Variants in ACSBG2 observed in about 807,000 individuals in gnomAD.
The protein encoded by ACSBG2 is long-chain-fatty-acid--CoA ligase ACSBG2.
In ACSBG2, 62 loss-of-function variants were observed where a neutral mutation model predicts 74.7. That is an observed-to-expected ratio of 0.83 (90% CI 0.68 to 1.03). ACSBG2 has a LOEUF of 1.03. ACSBG2 is among the 50% of genes least tolerant of loss of function. The pLI is 0.00. For synonymous variants in ACSBG2, 309 were observed against 294.1 expected (o/e 1.05, Z -0.52); for missense variants, 730 against 817.6 (o/e 0.89, Z 1.31).
At chr19:6,150,442 C>T (rs992933205) in intron 3 of ACSBG2, among the ~76,000 whole-genome samples, 1 of 151,920 alleles carries the variant, frequency 6.6e-6, no homozygotes, top group African/African-American at 2.4e-5. Context: ...GGAAGCAGCC[C>T]GTGTGTCCAT....
At chr19:6,137,233 G>C (rs1165915790) in intron 1 of ACSBG2, 1 of 142,914 alleles carries the variant, frequency 7.0e-6, no homozygotes, top group African/African-American at 2.5e-5. Context: ...GGGCTTGCTT[G>C]AGGCCAGGAG....
chr19:6,154,104 A>AAT (rs922364364), intron 4 of ACSBG2, among the ~76,000 whole-genome samples: 130 of 151,856 alleles, frequency 8.6e-4, no homozygotes, highest in African/African-American at 2.9e-3. Context: ...AGTGAGTTGA[A>AAT]ATATATATAT....
chr19:6,169,614 GA>G (rs1227071774), intron 7 of ACSBG2, among the ~76,000 whole-genome samples: 1 of 152,116 alleles, frequency 6.6e-6, no homozygotes, highest in African/African-American at 2.4e-5. Flanking sequence ...ATAATTATGT[GA>G]AAAATCATAT....
intron 6 of ACSBG2, among the ~76,000 whole-genome samples, chr19:6,164,453 G>A (rs1202078176): frequency 7.4e-6 from 1 of 135,468 alleles, no homozygotes; most frequent in Non-Finnish European, 1.5e-5. Context: ...TTTTTTTTGA[G>A]ATGGAGTTTC....
In ACSBG2 at chr19:6,177,235, T is replaced by C. The variant is rs1331861827; in HGVS notation, c.745T>C (p.Trp249Arg). 1.2e-6 allele frequency: 2 copies of C among 1,613,962 alleles called. No homozygotes were observed. The highest frequency in any genetic ancestry group is 1.7e-6 in the Non-Finnish European group (2 of 1,179,978). The change falls in exon 8 of 15, where the codon TGG becomes CGG. Residue 249 changes from tryptophan (W) to arginine (R), a missense_variant. Physicochemically the swap from Trp to Arg is moderately radical, Grantham distance 101. Transcript: ENST00000588485. ...GVMLSHDNIT[W>R]IAGAVTKDFK... ...ATTGTCCCTTATGTTACAGATCACGTGGATTGCAGGAGCAGTGACAAAGGA... is the reference window on the plus strand; with the variant it reads ...ATTGTCCCTTATGTTACAGATCACGCGGATTGCAGGAGCAGTGACAAAGGA...
At chr19:6,150,076 G>A (rs938842496) in intron 3 of ACSBG2, among the ~76,000 whole-genome samples, 1 of 151,752 alleles carries the variant, frequency 6.6e-6, no homozygotes, top group African/African-American at 2.4e-5. Context: ...TCCAGCCTGG[G>A]TGACAGAGCG....
At chr19:6,185,691 C>T (rs2090386991) in intron 11 of ACSBG2, 38 bp downstream of exon 11, 1 of 1,608,220 alleles carries the variant, frequency 6.2e-7, no homozygotes, top group South Asian at 1.1e-5. Flanking sequence ...CTCCTGCAAG[C>T]AGGCCCACCC....
intron 8 of ACSBG2, among the ~76,000 whole-genome samples, chr19:6,179,947 T>C (rs76446298): frequency 0.084 from 12,749 of 152,126 alleles, 942 homozygotes; most frequent in African/African-American, 0.2. Context: ...GGTCAGAAGT[T>C]TGAAAATGGT....
Position 6,190,644 on chromosome 19 carries a change from A to G in ACSBG2, c.1988A>G (p.His663Arg), listed in dbSNP as rs144935471. ...CAGAAATACAAAAAACAAATTGATC[A>G]CATGTACCACTGACTGCTTTGATGG... The part of the protein sequence containing the change: ...VAQKYKKQID[H>R]MYH Residue 663 changes from histidine to arginine, a missense_variant, in exon 14 of 15, where the codon CAC becomes CGC. Coordinates refer to ENST00000588485, the MANE Select transcript of ACSBG2 (RefSeq NM_030924.5). The G allele has an allele frequency of 8.7e-6, 14 of 1,613,898 alleles. No individual in the cohort carries two copies. The African/African-American group carries it at 1.3e-4, about 15-fold the overall frequency.
intron 3 of ACSBG2, among the ~76,000 whole-genome samples, chr19:6,150,485 G>A (rs1008943124): frequency 3.9e-5 from 6 of 152,100 alleles, no homozygotes; most frequent in Admixed American, 2.6e-4. Context: ...GATGTGGTCC[G>A]CCCATACAAG....
intron 10 of ACSBG2, among the ~76,000 whole-genome samples, chr19:6,184,862 A>AAAAAAAAAAAAAC (rs2090360018): frequency 7.3e-6 from 1 of 137,410 alleles, no homozygotes; most frequent in African/African-American, 3.0e-5. Context: ...AAAAAAAAAA[A>AAAAAAAAAAAAAC]AAAAAAAAAA....
chr19:6,155,773 G>A (rs1398735603), intron 4 of ACSBG2, among the ~76,000 whole-genome samples: 3 of 128,078 alleles, frequency 2.3e-5, no homozygotes, highest in African/African-American at 6.2e-5. Context: ...CTGGGTGACC[G>A]AGCTAGACCC....
chr19:6,162,264 C>A (rs377374872), intron 6 of ACSBG2, among the ~76,000 whole-genome samples: 2,096 of 62,350 alleles, frequency 0.034, no homozygotes, highest in African/African-American at 0.046. Flanking sequence ...GACTCTGTCT[C>A]AAAAAAAAAA....
intron 7 of ACSBG2, among the ~76,000 whole-genome samples, chr19:6,173,156 T>C (rs16993426): frequency 0.1 from 15,935 of 152,166 alleles, 1,669 homozygotes; most frequent in African/African-American, 0.27. Flanking sequence ...CCTTTAGGGG[T>C]TACCCATGCC....
chr19:6,142,428 T>C (rs549989931), intron 2 of ACSBG2, among the ~76,000 whole-genome samples: 2 of 151,194 alleles, frequency 1.3e-5, no homozygotes, highest in South Asian at 2.1e-4. Flanking sequence ...CTTGACACCA[T>C]CGAGAGTGAA....
rs778471017 is a variant in ACSBG2, at chr19:6,141,627, A to G, written c.67+17A>G. 5 of 1,476,520 alleles carry G rather than the reference A, an allele frequency of 3.4e-6. No individual in the cohort carries two copies. The highest frequency in any genetic ancestry group is 4.7e-6 in the Non-Finnish European group (5 of 1,054,462). The allele number at this position is 1,476,520 out of a possible 1,614,324, so 91.5% of individuals were successfully genotyped here. ...AAACAGAAGGTATATTGCACTAAAG[A>G]GTACGTGGGAGAGAGAGTGGCACAT... On this transcript the variant is annotated intron_variant, in intron 2 of 14. Coordinates refer to ENST00000588485, the MANE Select transcript of ACSBG2 (RefSeq NM_030924.5).
At chr19:6,181,824 C>CCA (rs1555696868) in intron 8 of ACSBG2, among the ~76,000 whole-genome samples, 1 of 129,696 alleles carries the variant, frequency 7.7e-6, no homozygotes, top group Admixed American at 7.9e-5. Flanking sequence ...CCCCCCCCCC[C>CCA]AACGAAATTT....
intron 1 of ACSBG2, among the ~76,000 whole-genome samples, chr19:6,136,890 C>T (rs1349656613): frequency 2.6e-5 from 4 of 152,108 alleles, no homozygotes; most frequent in Admixed American, 6.6e-5. Context: ...CCTCCGCACC[C>T]GGCCGATCGT....
At chr19:6,176,443 T>C in intron 7 of ACSBG2, 1 of 1,398,780 alleles carries the variant, frequency 7.1e-7, no homozygotes, top group Non-Finnish European at 9.7e-7. Context: ...ATCCACGTGA[T>C]CTGTAACATA....
Sources: gnomAD v4.1 joint callset for allele counts (sites outside exome capture counted in the v4.1 genomes callset) on GRCh38, gnomAD v4.1.1 for gene constraint, MANE v1.5 for transcripts, NCBI Gene and HGNC (gene_info 2026-07-23, HGNC 2026-07-21) for gene names.